The following FOXP4 variants were observed in gnomAD, a reference collection of about 807,000 sequenced individuals.
FOXP4 encodes the protein forkhead box protein P4.
In FOXP4, 25 loss-of-function variants were observed where a neutral mutation model predicts 82.6. The observed-to-expected ratio is 0.30, with a 90% CI of 0.22 to 0.42. The LOEUF (loss-of-function observed/expected upper bound fraction) is 0.42, where lower values mean the gene tolerates loss of function less well. Ranked by LOEUF, FOXP4 falls within the 10% of genes least tolerant of loss-of-function variation. The probability of loss-of-function intolerance (pLI) is 1.00; values close to 1 mark genes in which losing one functional copy is unlikely to be tolerated. For missense variants in FOXP4, 785 were observed against 900.9 expected (o/e 0.87, Z 1.65); for synonymous variants, 415 against 388.2 (o/e 1.07, Z -0.81).
chr6:41,582,050 C>CTT (rs965983141), intron 3 of FOXP4, among the ~76,000 whole-genome samples: 1 of 152,210 alleles, frequency 6.6e-6, no homozygotes, highest in Non-Finnish European at 1.5e-5. Flanking sequence ...CCTCAGTGAC[C>CTT]TTTGTCAGGC....
Position 41,573,135 on chromosome 6 carries a change from G to C in FOXP4, c.205-4851G>C, listed in dbSNP as rs148051441. On this transcript the variant is annotated intron_variant, in intron 2 of 16. Transcript: ENST00000307972. ...ACGTCCCTGCCCTCCTGCACACACAGAGAATAAGGCTGGCACCCCAACACA... is the reference window on the plus strand; with the variant it reads ...ACGTCCCTGCCCTCCTGCACACACACAGAATAAGGCTGGCACCCCAACACA... 2.3e-4 allele frequency among the ~76,000 whole-genome samples: 35 copies of C among 152,174 alleles called. 1 individual carries two copies. The East Asian group carries it at 5.8e-3, about 25-fold the overall frequency.
intron 1 of FOXP4, among the ~76,000 whole-genome samples, chr6:41,551,059 C>T (rs1488905374): frequency 2.6e-5 from 4 of 152,228 alleles, no homozygotes; most frequent in Non-Finnish European, 5.9e-5. Flanking sequence ...GAAATACACA[C>T]CTTCAGTCCA....
rs533022582 is a variant in FOXP4, at chr6:41,586,030, C to T, written c.510+513C>T. The stretch of plus-strand genomic sequence containing the variant: ...CCCCAGCCTACATCCCCTACCCCAT[C>T]GGAGCTTCTATACCAGGCCCTGGAG... On this transcript the variant is annotated intron_variant, in intron 5 of 16. Transcript: ENST00000307972. 9.9e-4 allele frequency among the ~76,000 whole-genome samples: 150 copies of T among 152,112 alleles called. 1 individual carries two copies. The highest frequency in any genetic ancestry group is 2.5e-4 in the Non-Finnish European group (17 of 67,996).
chr6:41,587,615 G>T, intron 7 of FOXP4, 103 bp downstream of exon 7: 1 of 1,073,172 alleles, frequency 9.3e-7, no homozygotes. Context: ...GGAGCCCACG[G>T]ACCGGAGGTT....
At chr6:41,595,633 G>C (rs1454742305) in intron 14 of FOXP4, among the ~76,000 whole-genome samples, 1 of 151,804 alleles carries the variant, frequency 6.6e-6, no homozygotes, top group South Asian at 2.1e-4. Flanking sequence ...AAGGAGTTTT[G>C]TTCTTGTTGC....
intron 2 of FOXP4, among the ~76,000 whole-genome samples, chr6:41,571,094 A>G (rs971481443): frequency 6.6e-6 from 1 of 152,144 alleles, no homozygotes; most frequent in Non-Finnish European, 1.5e-5. Flanking sequence ...GCCACCTCCA[A>G]ATGCCACCAA....
chr6:41,598,037 C>T (rs1766970083), intron 16 of FOXP4, 87 bp downstream of exon 16: 1 of 1,102,170 alleles, frequency 9.1e-7, no homozygotes, highest in African/African-American at 1.6e-5. Context: ...GGTGGGGTTC[C>T]CCATCCCACC....
intron 2 of FOXP4, among the ~76,000 whole-genome samples, chr6:41,567,100 G>C (rs1026331529): frequency 2.0e-5 from 3 of 152,198 alleles, no homozygotes; most frequent in African/African-American, 7.2e-5. Flanking sequence ...GAGCTGGTCA[G>C]CCAGCGCTAA....
rs1359168454 is a variant in FOXP4 at position 41,560,379 on chromosome 6, C to T, written c.-16-5366C>T. Among the ~76,000 whole-genome samples the T allele has an allele frequency of 2.0e-5, 3 of 152,390 alleles. No homozygotes were observed. The South Asian group carries it at 6.2e-4, about 32-fold the overall frequency. On this transcript the variant is annotated intron_variant, in intron 1 of 16. Transcript: ENST00000307972. Reference sequence around the variant, plus strand: ...TGTCAGCTGGGCCACGTCCTGCTGTCTCCCAGACTATATTATAGGTTTCTG... The same window carrying T: ...TGTCAGCTGGGCCACGTCCTGCTGTTTCCCAGACTATATTATAGGTTTCTG...
chr6:41,560,572 G>T (rs1562011893), intron 1 of FOXP4, among the ~76,000 whole-genome samples: 2 of 152,182 alleles, frequency 1.3e-5, no homozygotes, highest in Admixed American at 6.5e-5. Context: ...CCAGGAGCGC[G>T]CTGGGGGCTG....
intron 3 of FOXP4, among the ~76,000 whole-genome samples, chr6:41,579,593 G>A (rs976795517): frequency 1.3e-5 from 2 of 152,132 alleles, no homozygotes; most frequent in Admixed American, 6.5e-5. Flanking sequence ...TGCTCAGCTG[G>A]GGATTAAGGG....
chr6:41,577,345 C>T (rs1765545432), intron 2 of FOXP4, among the ~76,000 whole-genome samples: 1 of 152,178 alleles, frequency 6.6e-6, no homozygotes, highest in South Asian at 2.1e-4. Context: ...GTGCCACTGA[C>T]CCCAGGGCTC....
At chr6:41,572,398 C>T (rs749375726) in intron 2 of FOXP4, among the ~76,000 whole-genome samples, 3 of 152,176 alleles carry the variant, frequency 2.0e-5, no homozygotes, top group Admixed American at 6.5e-5. Context: ...CCCATTAGAA[C>T]GTGAGCCCCG....
At chr6:41,576,161 G>C (rs1333441795) in intron 2 of FOXP4, among the ~76,000 whole-genome samples, 3 of 152,018 alleles carry the variant, frequency 2.0e-5, no homozygotes, top group African/African-American at 7.2e-5. Flanking sequence ...TCCCCCTCTG[G>C]AAGCCCAGGG....
chr6:41,583,926 C>G (rs1049020637), intron 3 of FOXP4, among the ~76,000 whole-genome samples: 7 of 152,178 alleles, frequency 4.6e-5, no homozygotes, highest in Non-Finnish European at 8.8e-5. Context: ...CCTGAATGTT[C>G]CAGCCTAGAA....
Position 41,587,030 on chromosome 6 carries a change from G to A in FOXP4, c.532G>A (p.Ala178Thr). 1 of 1,597,446 alleles carries A rather than the reference G, an allele frequency of 6.3e-7. No homozygotes were observed. The highest frequency in any genetic ancestry group is 1.3e-5 in the African/African-American group (1 of 74,828). ...CCAGGCACTGGGGAACAAGCAGCTGGCCTTCCAGCAGCAGCTCCTGCAAAT... is the reference window on the plus strand; with the variant it reads ...CCAGGCACTGGGGAACAAGCAGCTGACCTTCCAGCAGCAGCTCCTGCAAAT... ...PKEALGNKQL[A>T]FQQQLLQMQQ... is the part of the protein sequence containing the mutation. Residue 178 changes from alanine (A) to threonine (T), a missense_variant, in exon 6 of 17, where the codon GCC becomes ACC. Transcript: ENST00000307972.
Position 41,571,816 on chromosome 6 carries a change from CT to C in FOXP4, c.204+5855del, listed in dbSNP as rs1765216489. ...AGGACAAAGCCTGGCTGGTCAAGAACTTTCCTCCCCCCAGGTCAGTTCCCTC... is the reference window on the plus strand; with the variant it reads ...AGGACAAAGCCTGGCTGGTCAAGAACTTCCTCCCCCCAGGTCAGTTCCCTC... On this transcript the variant is annotated intron_variant, in intron 2 of 16. Transcript: ENST00000307972. Among the ~76,000 whole-genome samples, 3 of 152,196 alleles carry C rather than the reference CT, an allele frequency of 2.0e-5. No homozygotes were observed. In the East Asian group the frequency reaches 5.8e-4, roughly 29 times the overall value.
Position 41,587,338 on chromosome 6 carries a change from G to T in FOXP4, c.698G>T (p.Gly233Val). The T allele has an allele frequency of 6.2e-7, 1 of 1,612,286 alleles. No homozygotes were observed. The highest frequency in any genetic ancestry group is 8.5e-7 in the Non-Finnish European group (1 of 1,179,166). ...CPTDLPQLWK[G>V]EGAPGQPAED... is the part of the protein sequence containing the mutation. The stretch of plus-strand genomic sequence containing the variant: ...ACAGACCTGCCCCAGCTGTGGAAGG[G>T]CGAGGGTGCCCCCGGGCAGCCTGCC... Residue 233 changes from glycine (G) to valine (V), a missense_variant, in exon 7 of 17, where the codon GGC (glycine) becomes GTC (valine). Coordinates refer to ENST00000307972, the MANE Select transcript of FOXP4 (RefSeq NM_001012426.2).
At chr6:41,567,329 A>G (rs558521943) in intron 2 of FOXP4, among the ~76,000 whole-genome samples, 1 of 152,230 alleles carries the variant, frequency 6.6e-6, no homozygotes, top group Non-Finnish European at 1.5e-5. Context: ...TTCTCTTGCC[A>G]GCAGTGGAGA....
Sources: allele counts gnomAD v4.1 joint callset (sites outside exome capture counted in the v4.1 genomes callset), GRCh38; gene constraint gnomAD v4.1.1; transcripts MANE v1.5; gene names NCBI Gene and HGNC (gene_info 2026-07-23, HGNC 2026-07-21).